MMP8: variants seen among roughly 807,000 people sequenced by gnomAD.
The protein encoded by MMP8 is matrix metallopeptidase 8, also known as neutrophil collagenase.
MMP8 carries 67 observed loss-of-function variants against 51.2 expected under a neutral mutation model. The ratio of observed to expected loss-of-function variants is 1.31; its 90% CI spans 1.08 to 1.60. The LOEUF is 1.60. Among genes scored for constraint, MMP8 ranks in the 40% most tolerant of loss-of-function variants. The pLI is 0.00. For missense variants in MMP8, 654 were observed against 558.1 expected (o/e 1.17, Z -1.73); for synonymous variants, 225 against 191.0 (o/e 1.18, Z -1.47).
chr11:102,721,978 A>C (rs1281409433), intron 2 of MMP8, among the ~76,000 whole-genome samples: 1 of 152,182 alleles, frequency 6.6e-6, no homozygotes, highest in African/African-American at 2.4e-5. Flanking sequence ...TAAAATGAGG[A>C]TACTAATATA....
At position 102,713,734 on chromosome 11, in the gene MMP8, G is replaced by GT. The variant is rs755629433; in HGVS notation, c.1294+19_1294+20insA. Reference sequence around the variant, plus strand: ...AAACAAACAAACAACACATTTATTAGGTTTTTTTTTCCTACTTACGTTCTT... The same window carrying GT: ...AAACAAACAAACAACACATTTATTAGTGTTTTTTTTTCCTACTTACGTTCTT... On this transcript the variant is annotated intron_variant, in intron 9 of 9. Transcript: ENST00000236826. The GT allele has an allele frequency of 4.4e-4, 631 of 1,424,068 alleles. No homozygotes were observed. The highest frequency in any genetic ancestry group is 1.6e-3 in the East Asian group (62 of 39,648). The allele number at this position is 1,424,068 out of a possible 1,614,324, so 88.2% of individuals were successfully genotyped here.
At chr11:102,722,399 G>C (rs1296117130) in intron 2 of MMP8, 30 bp downstream of exon 2, 1 of 1,609,730 alleles carries the variant, frequency 6.2e-7, no homozygotes, top group African/African-American at 1.3e-5. Context: ...CTGGATAAAT[G>C]AGTGTATCCT....
intron 2 of MMP8, among the ~76,000 whole-genome samples, 178 bp from the exon 3 acceptor site, chr11:102,721,940 A>T (rs1848319754): frequency 6.6e-6 from 1 of 152,166 alleles, no homozygotes; most frequent in Non-Finnish European, 1.5e-5. Flanking sequence ...AAGTTAATAC[A>T]TGTCTTTAAA....
rs1412235116 is a variant in MMP8 at position 102,715,360 on chromosome 11, G to C, written c.980C>G (p.Thr327Ser). 5 of 1,613,738 alleles carry C rather than the reference G, an allele frequency of 3.1e-6. No homozygotes were observed. The highest frequency in any genetic ancestry group is 1.3e-5 in the African/African-American group (1 of 75,010). ...ATCTTCATAAGCAGCCTGTATACCA[G>C]TTGGAAGGGATGGCCAGAATAGAGA... ...FISLFWPSLP[T>S]GIQAAYEDFD... Residue 327 changes from threonine (T) to serine (S), a missense_variant, in exon 7 of 10, where the codon ACT becomes AGT. By Grantham distance (58) the Thr-to-Ser change is moderately conservative. Coordinates refer to ENST00000236826, the MANE Select transcript of MMP8 (RefSeq NM_002424.3).
At position 102,721,499 on chromosome 11, in the gene MMP8, C is replaced by T. The variant is rs1205296422; in HGVS notation, c.524G>A (p.Gly175Glu). 1 of 1,613,692 alleles carries T rather than the reference C, an allele frequency of 6.2e-7. No individual in the cohort carries two copies. The highest frequency in any genetic ancestry group is 1.3e-5 in the African/African-American group (1 of 74,870). Residue 175 changes from glycine (G) to glutamate (E), a missense_variant, in exon 4 of 10, where the codon GGA (glycine) becomes GAA (glutamate). Gly to Glu is a moderately conservative substitution (Grantham distance 98, BLOSUM62 -2). Transcript: ENST00000236826. ...RDHGDNSPFD[G>E]PNGILAHAFQ... is the part of the protein sequence containing the mutation. The stretch of plus-strand genomic sequence containing the variant: ...GGCATGAGCAAGGATTCCATTGGGT[C>T]CATCAAATGGAGAATTGTCACCGTG...
intron 5 of MMP8, among the ~76,000 whole-genome samples, chr11:102,716,793 G>A (rs906947842): frequency 5.9e-5 from 9 of 151,930 alleles, no homozygotes; most frequent in Non-Finnish European, 1.2e-4. Flanking sequence ...TCCACTTTCA[G>A]GAAAGAATGA....
chr11:102,718,421 G>A lies in MMP8; in HGVS notation c.777C>T (p.Ala259=). ...LPQDDIDGIQ[A]IYGLSSNPIQ... ...CTCTTGAGAAGACCTTACCATAGAT[G>A]GCCTGAATGCCATCGATGTCATCTT... The change falls in exon 5 of 10, where the codon GCC becomes GCT. Residue 259 remains alanine (A), a synonymous_variant. Coordinates refer to ENST00000236826, the MANE Select transcript of MMP8 (RefSeq NM_002424.3). The A allele has an allele frequency of 6.2e-7, 1 of 1,610,916 alleles. No homozygotes were observed. Among genetic ancestry groups the A allele is most frequent in the Non-Finnish European group, 8.5e-7 (1 of 1,178,444 alleles).
intron 6 of MMP8, 118 bp from the exon 7 acceptor site, chr11:102,715,555 C>T (rs766378243): frequency 2.5e-5 from 34 of 1,334,184 alleles, no homozygotes; most frequent in Middle Eastern, 2.5e-4. Flanking sequence ...ATATAACAAT[C>T]GAACGAATGC....
At chr11:102,722,235 C>T (rs746945162) in intron 2 of MMP8, among the ~76,000 whole-genome samples, 194 bp downstream of exon 2, 6 of 152,012 alleles carry the variant, frequency 3.9e-5, no homozygotes, top group Admixed American at 2.0e-4. Flanking sequence ...AAGACTAAAA[C>T]GGGAAGCCTT....
At position 102,713,822 on chromosome 11, in the gene MMP8, TA is replaced by T; in HGVS notation, c.1225del (p.Tyr409IlefsTer12). ...AAAGGCACCTGATATGCTTTTGGGA[TA>T]ACCTGGCTCCATGAATTGTCTTTGG... The part of the protein sequence containing the change: ...DNQRQFMEPG[Y>X]PKSISGAFPG... On this transcript the variant is annotated frameshift_variant, in exon 9 of 10. Transcript: ENST00000236826. LOFTEE classifies it high-confidence loss of function. 6.2e-7 allele frequency: 1 copy of T among 1,612,502 alleles called. No homozygotes were observed. The highest frequency in any genetic ancestry group is 8.5e-7 in the Non-Finnish European group (1 of 1,179,276).
Position 102,721,422 on chromosome 11 carries a change from T to C in MMP8, c.601A>G (p.Thr201Ala), listed in dbSNP as rs747786323. 6 of 1,613,836 alleles carry C rather than the reference T, an allele frequency of 3.7e-6. No individual in the cohort carries two copies. Among genetic ancestry groups the C allele is most frequent in the Non-Finnish European group, 5.1e-6 (6 of 1,179,818 alleles). ...TTACTTGCGGAGGTGTTGGTCCATG[T>C]TTCTTCGGCATCAAAATGAGCATCT... Reference protein sequence around the residue: ...GGDAHFDAEETWTNTSANYNL... With the variant: ...GGDAHFDAEEAWTNTSANYNL... The change falls in exon 4 of 10, where the codon ACA becomes GCA. Residue 201 changes from threonine to alanine, a missense_variant. Coordinates refer to ENST00000236826, the MANE Select transcript of MMP8 (RefSeq NM_002424.3).
chr11:102,716,423 G>GGA lies in MMP8; in HGVS notation c.785-5_785-4insTC, dbSNP rs776993628. ...TGGATAGGGTTGCTTGAAAGTCCTG[G>GGA]AAAAAAAAAAAAAAAAAAAAAAAAG... On this transcript the variant is annotated splice_region_variant and splice_polypyrimidine_tract_variant and intron_variant, in intron 5 of 9. Transcript: ENST00000236826. 22 of 395,660 alleles carry GGA rather than the reference G, an allele frequency of 5.6e-5. No individual in the cohort carries two copies. The highest frequency in any genetic ancestry group is 3.7e-4 in the African/African-American group (10 of 27,066). 24.5% of individuals were successfully genotyped at this position (395,660 alleles called of 1,614,324 possible). A position where few individuals can be genotyped will look rare whatever the true frequency, so the allele number is the denominator to read the frequency against.
At position 102,714,598 on chromosome 11, in the gene MMP8, T is replaced by A. The variant is rs766170573; in HGVS notation, c.1148A>T (p.Tyr383Phe). 5.9e-6 allele frequency: 9 copies of A among 1,518,442 alleles called. No individual in the cohort carries two copies. Among genetic ancestry groups the A allele is most frequent in the Admixed American group, 2.3e-5 (1 of 44,254 alleles). The allele number at this position is 1,518,442 out of a possible 1,614,324, so 94.1% of individuals were successfully genotyped here. A position where few individuals can be genotyped will look rare whatever the true frequency, so the allele number is the denominator to read the frequency against. ...SVQAIDAAVF[Y>F]RSKTYFFVND... Reference sequence around the variant, plus strand: ...TACAAAGAAGTATGTTTTACTTCTGTAGAAAACAGCTGCGTCAATTGCTTG... The same window carrying A: ...TACAAAGAAGTATGTTTTACTTCTGAAGAAAACAGCTGCGTCAATTGCTTG... Residue 383 changes from tyrosine (Y) to phenylalanine (F), a missense_variant, in exon 8 of 10, where the codon TAC becomes TTC. By Grantham distance (22) the Tyr-to-Phe change is conservative. Transcript: ENST00000236826.
At chr11:102,723,492 T>C (rs948400511) in intron 1 of MMP8, 2 of 455,778 alleles carry the variant, frequency 4.4e-6, no homozygotes, top group African/African-American at 4.0e-5. Context: ...TTCTGGAGGC[T>C]GGGAAGTCCA....
chr11:102,721,320 G>C lies in MMP8; in HGVS notation c.622+81C>G. The stretch of plus-strand genomic sequence containing the variant: ...TTTGAAATATTATGTTACCTTTATT[G>C]TGTGTGTGTGTGTGTGTGTATTCTA... On this transcript the variant is annotated intron_variant, in intron 4 of 9. Coordinates refer to ENST00000236826, the MANE Select transcript of MMP8 (RefSeq NM_002424.3). 4 of 746,126 alleles carry C rather than the reference G, an allele frequency of 5.4e-6. No homozygotes were observed. In the South Asian group the frequency reaches 8.2e-5, roughly 15 times the overall value. The allele number at this position is 746,126 out of a possible 1,614,324, so 46.2% of individuals were successfully genotyped here.
chr11:102,714,790 A>G (rs1266316013), intron 7 of MMP8, 81 bp from the exon 8 acceptor site: 14 of 269,064 alleles, frequency 5.2e-5, no homozygotes, highest in Non-Finnish European at 7.3e-5. Flanking sequence ...ATATATATAT[A>G]TATATATATA....
chr11:102,723,558 C>A, intron 1 of MMP8: 1 of 452,854 alleles, frequency 2.2e-6, no homozygotes, highest in Non-Finnish European at 4.4e-6. Flanking sequence ...TGTGTCATAA[C>A]ATGGCAGAGA....
At chr11:102,718,086 A>T (rs1181456529) in intron 5 of MMP8, among the ~76,000 whole-genome samples, 1 of 147,680 alleles carries the variant, frequency 6.8e-6, no homozygotes, top group Non-Finnish European at 1.5e-5. Context: ...CAGCCTGGGC[A>T]ACAGAGTGAG....
In MMP8 at chr11:102,723,022, A is replaced by G. The variant is rs35696670; in HGVS notation, c.103-349T>C. On this transcript the variant is annotated intron_variant, in intron 1 of 9. Coordinates refer to ENST00000236826, the MANE Select transcript of MMP8 (RefSeq NM_002424.3). ...TGACTTCTCTTGAGGTATTTGTTGCATCAGTGCAGTTCCTCTTTTTTATCC... is the reference window on the plus strand; with the variant it reads ...TGACTTCTCTTGAGGTATTTGTTGCGTCAGTGCAGTTCCTCTTTTTTATCC... 3.1e-3 allele frequency: 3,966 copies of G among 1,296,156 alleles called. 104 individuals carry two copies. In the African/African-American group the frequency reaches 0.054, roughly 18 times the overall value. The allele number at this position is 1,296,156 out of a possible 1,614,324, so 80.3% of individuals were successfully genotyped here.
Sources: allele counts gnomAD v4.1 joint callset (sites outside exome capture counted in the v4.1 genomes callset), GRCh38; gene constraint gnomAD v4.1.1; transcripts MANE v1.5; gene names NCBI Gene and HGNC (gene_info 2026-07-23, HGNC 2026-07-21).